The following HS6ST3 variants were observed in gnomAD, a reference collection of about 807,000 sequenced individuals.
HS6ST3 encodes heparan-sulfate 6-O-sulfotransferase 3.
HS6ST3 carries 12 observed loss-of-function variants against 36.7 expected under a neutral mutation model. The observed-to-expected ratio is 0.33, with a 90% CI of 0.21 to 0.53. HS6ST3 has a LOEUF of 0.53. HS6ST3 is among the 20% of genes least tolerant of loss of function. The pLI is 0.95. For synonymous variants in HS6ST3, 240 were observed against 257.5 expected (o/e 0.93, Z 0.65); for missense variants, 584 against 640.9 (o/e 0.91, Z 0.96).
chr13:96,431,255 C>T (rs1430882126), intron 1 of HS6ST3, among the ~76,000 whole-genome samples: 1 of 139,698 alleles, frequency 7.2e-6, no homozygotes, highest in Admixed American at 7.1e-5. Context: ...ACAACAACAA[C>T]AAATAAACCA....
At chr13:96,688,910 A>C (rs1874859748) in intron 1 of HS6ST3, among the ~76,000 whole-genome samples, 1 of 151,986 alleles carries the variant, frequency 6.6e-6, no homozygotes, top group Admixed American at 6.6e-5. Flanking sequence ...ATACTTAAAA[A>C]TCCAGCTGAA....
intron 1 of HS6ST3, among the ~76,000 whole-genome samples, chr13:96,384,345 G>A (rs2055356905): frequency 6.6e-6 from 1 of 150,714 alleles, no homozygotes; most frequent in African/African-American, 2.4e-5. Flanking sequence ...GACCTTACTT[G>A]CGGCAAATCT....
intron 1 of HS6ST3, among the ~76,000 whole-genome samples, chr13:96,094,986 T>C (rs1463972798): frequency 6.6e-6 from 1 of 152,200 alleles, no homozygotes; most frequent in Non-Finnish European, 1.5e-5. Flanking sequence ...AAAAGACTCC[T>C]TTTTAGCATT....
chr13:96,761,689 T>A (rs1038387656), intron 1 of HS6ST3, among the ~76,000 whole-genome samples: 4 of 152,312 alleles, frequency 2.6e-5, no homozygotes, highest in Non-Finnish European at 4.4e-5. Context: ...TACATTCCCA[T>A]AAACAATATG....
At chr13:96,383,796 T>C (rs540614687) in intron 1 of HS6ST3, among the ~76,000 whole-genome samples, 2 of 152,268 alleles carry the variant, frequency 1.3e-5, no homozygotes, top group Admixed American at 1.3e-4. Flanking sequence ...AGCAGCAGGT[T>C]GACCTCAGGG....
In HS6ST3 at chr13:96,249,143, C is replaced by G. The variant is rs143916451; in HGVS notation, c.707+157574C>G. ...GGAGACAAAGCTGAGTTCTTTATCTCAAACCCTGTTCTCTTTCATATCCTC... is the reference window on the plus strand; with the variant it reads ...GGAGACAAAGCTGAGTTCTTTATCTGAAACCCTGTTCTCTTTCATATCCTC... On this transcript the variant is annotated intron_variant, in intron 1 of 1. Transcript: ENST00000376705. 8.7e-4 allele frequency among the ~76,000 whole-genome samples: 132 copies of G among 152,258 alleles called. 1 individual carries two copies. In the East Asian group the frequency reaches 0.023, roughly 26 times the overall value.
chr13:96,684,145 G>A (rs1011856336), intron 1 of HS6ST3, among the ~76,000 whole-genome samples: 6 of 152,044 alleles, frequency 3.9e-5, no homozygotes, highest in African/African-American at 2.4e-5. Context: ...TGCTCAGAGT[G>A]AAAACATTCT....
chr13:96,437,185 T>G (rs550587443), intron 1 of HS6ST3, among the ~76,000 whole-genome samples: 102 of 152,340 alleles, frequency 6.7e-4, no homozygotes, highest in African/African-American at 2.3e-3. Flanking sequence ...CAACTCAAGA[T>G]GCCTCCCTGT....
intron 1 of HS6ST3, among the ~76,000 whole-genome samples, chr13:96,465,815 A>G (rs1188171819): frequency 6.6e-6 from 1 of 152,244 alleles, no homozygotes; most frequent in Non-Finnish European, 1.5e-5. Flanking sequence ...AAATGAAGCA[A>G]TAAACCAAAA....
intron 1 of HS6ST3, among the ~76,000 whole-genome samples, chr13:96,568,427 T>G (rs1015160965): frequency 6.6e-6 from 1 of 152,114 alleles, no homozygotes; most frequent in Admixed American, 6.5e-5. Context: ...CCACCACGGC[T>G]GGCTAATTTT....
chr13:96,537,321 G>A (rs781753705), intron 1 of HS6ST3, among the ~76,000 whole-genome samples: 21 of 152,122 alleles, frequency 1.4e-4, no homozygotes, highest in Non-Finnish European at 2.8e-4. Flanking sequence ...ATCTCCCAGG[G>A]GTCCCTCCCA....
At chr13:96,568,198 A>G (rs1246841158) in intron 1 of HS6ST3, among the ~76,000 whole-genome samples, 1 of 152,224 alleles carries the variant, frequency 6.6e-6, no homozygotes, top group Non-Finnish European at 1.5e-5. Context: ...AGTATGAAAG[A>G]TAGTGACATG....
At chr13:96,565,586 A>G (rs1407699485) in intron 1 of HS6ST3, among the ~76,000 whole-genome samples, 1 of 152,190 alleles carries the variant, frequency 6.6e-6, no homozygotes. Context: ...GGGAATATAA[A>G]TGAACCTTTA....
intron 1 of HS6ST3, among the ~76,000 whole-genome samples, chr13:96,250,639 A>G (rs2054603504): frequency 6.6e-6 from 1 of 152,098 alleles, no homozygotes; most frequent in South Asian, 2.1e-4. Flanking sequence ...GACAGAATAC[A>G]TTTCTATTGG....
chr13:96,339,213 T>C (rs1016652772), intron 1 of HS6ST3, among the ~76,000 whole-genome samples: 1 of 152,152 alleles, frequency 6.6e-6, no homozygotes. Context: ...CAAGAACAAT[T>C]AGTTTTGTTA....
intron 1 of HS6ST3, among the ~76,000 whole-genome samples, chr13:96,386,180 G>A (rs920472093): frequency 3.9e-5 from 6 of 152,314 alleles, no homozygotes; most frequent in African/African-American, 1.2e-4. Flanking sequence ...CCTCAGGGGC[G>A]AAGCAACAAG....
intron 1 of HS6ST3, among the ~76,000 whole-genome samples, chr13:96,802,290 A>C (rs1044656205): frequency 1.3e-5 from 2 of 152,166 alleles, no homozygotes; most frequent in African/African-American, 4.8e-5. Context: ...AGAATGAAAG[A>C]AAGAAAAGTG....
intron 1 of HS6ST3, among the ~76,000 whole-genome samples, chr13:96,152,559 C>G (rs537659455): frequency 1.4e-4 from 21 of 152,076 alleles, no homozygotes; most frequent in East Asian, 5.8e-4. Context: ...GGATGGTCTC[C>G]ATCTCCTGAC....
chr13:96,421,580 C>G (rs2055562629), intron 1 of HS6ST3, among the ~76,000 whole-genome samples: 1 of 152,138 alleles, frequency 6.6e-6, no homozygotes, highest in African/African-American at 2.4e-5. Flanking sequence ...CATTTTTCTT[C>G]TCACCTTGGC....
Sources: allele counts gnomAD v4.1 joint callset (sites outside exome capture counted in the v4.1 genomes callset), GRCh38; gene constraint gnomAD v4.1.1; transcripts MANE v1.5; gene names NCBI Gene and HGNC (gene_info 2026-07-23, HGNC 2026-07-21).